The following COL16A1 variants were observed in gnomAD, a reference collection of about 807,000 sequenced individuals.
The protein encoded by COL16A1 is collagen alpha-1(XVI) chain.
In COL16A1, 189 loss-of-function variants were observed where a neutral mutation model predicts 266.3. That is an observed-to-expected ratio of 0.71 (90% confidence interval 0.63 to 0.80). The LOEUF is 0.80. Among genes scored for constraint, COL16A1 ranks in the 30% least tolerant of loss-of-function variants. The probability of loss-of-function intolerance (pLI) is 0.00; values close to 1 mark genes in which losing one functional copy is unlikely to be tolerated. For missense variants in COL16A1, 1,928 were observed against 2,122.4 expected, an observed-to-expected ratio of 0.91 and a Z score of 1.80; for synonymous variants, 740 against 782.3, an observed-to-expected ratio of 0.95 and a Z score of 0.90.
At chr1:31,691,272 G>C in intron 19 of COL16A1, 46 bp from the exon 20 acceptor site, 1 of 1,608,546 alleles carries the variant, frequency 6.2e-7, no homozygotes, top group Non-Finnish European at 8.5e-7. Flanking sequence ...GGGACCACTC[G>C]CTACAGCGAG....
chr1:31,684,438 CCCTGCAGT>C, intron 31 of COL16A1, 77 bp downstream of exon 31: 1 of 1,549,010 alleles, frequency 6.5e-7, no homozygotes, highest in Non-Finnish European at 8.7e-7. Context: ...CCCCAGCTGG[CCCTGCAGT>C]CCTTCCCTCA....
intron 60 of COL16A1, 39 bp downstream of exon 60, chr1:31,661,375 G>C: frequency 6.2e-7 from 1 of 1,613,808 alleles, no homozygotes. Flanking sequence ...CTTCAGGAGA[G>C]CAGAGATAAC....
chr1:31,670,618 C>A lies in COL16A1; in HGVS notation c.3179G>T (p.Gly1060Val). 7.1e-7 allele frequency: 1 copy of A among 1,414,688 alleles called. No individual in the cohort carries two copies. The highest frequency in any genetic ancestry group is 9.2e-7 in the Non-Finnish European group (1 of 1,086,962). 87.6% of individuals were successfully genotyped at this position (1,414,688 alleles called of 1,614,324 possible). ...GGTTCTTACAGGCAATCCGGGGGAG[C>A]CAACAGCACCAGGAAAACCTGGGGG... ...IGPPGFPGAV[G>V]SPGLPGLQGE... The change falls in exon 49 of 71, where the codon GGC becomes GTC. Residue 1060 changes from glycine to valine, a missense_variant. By Grantham distance (109) the Gly-to-Val change is moderately radical. Around this residue, in one of 2 missense-constraint regions of COL16A1, gnomAD observed 1,552 missense variants for 1,637.2 expected, o/e 0.95. Coordinates refer to ENST00000373672, the MANE Select transcript of COL16A1 (RefSeq NM_001856.4). The surrounding 1 kb of genome is among the most constrained non-coding windows in gnomAD (Gnocchi z 4.5).
In COL16A1 at chr1:31,692,584, G is replaced by A. The variant is rs1441717575; in HGVS notation, c.1158+14C>T. The A allele has an allele frequency of 6.2e-7, 1 of 1,614,106 alleles. No homozygotes were observed. Among genetic ancestry groups the A allele is most frequent in the East Asian group, 2.2e-5 (1 of 44,878 alleles). On this transcript the variant is annotated intron_variant, in intron 15 of 70. Transcript: ENST00000373672. ...GACCCACCATCCCTGCCCTATCCCT[G>A]GTCCCACACTCACCAGAGCTCCTGA... is the stretch of plus-strand genomic sequence containing the variant.
chr1:31,672,766 G>A lies in COL16A1; in HGVS notation c.2934C>T (p.Asp978=). The change falls in exon 45 of 71, where the codon GAC becomes GAT. Residue 978 remains aspartate (D), a synonymous_variant. Coordinates refer to ENST00000373672, the MANE Select transcript of COL16A1 (RefSeq NM_001856.4). The part of the protein sequence containing the change: ...GYLVEKGEKG[D]QGIPGVPGLD... ...GGCCTGGCACACCAGGGATGCCCTG[G>A]TCTCCCTTCTCTCCCTTCTCCACGA... The A allele has an allele frequency of 1.9e-6, 3 of 1,614,176 alleles. No homozygotes were observed. The highest frequency in any genetic ancestry group is 2.5e-6 in the Non-Finnish European group (3 of 1,180,000).
rs1569572668 is a variant in COL16A1, at chr1:31,700,068, T to C, written c.121A>G (p.Ser41Gly). 6.2e-7 allele frequency: 1 copy of C among 1,614,182 alleles called. No homozygotes were observed. Among genetic ancestry groups the C allele is most frequent in the East Asian group, 2.2e-5 (1 of 44,878 alleles). ...GTCACGTTGGCTGGCAGGCTACTAC[T>C]GTGTTCCAATTTGAGTCCTTCCTGC... ...SQQEGLKLEH[S>G]SSLPANVTGF... The change falls in exon 3 of 71, where the codon AGT becomes GGT. Residue 41 changes from serine (S) to glycine (G), a missense_variant. Around this residue, in one of 2 missense-constraint regions of COL16A1, gnomAD observed 1,552 missense variants for 1,637.2 expected, o/e 0.95. Coordinates refer to ENST00000373672, the MANE Select transcript of COL16A1 (RefSeq NM_001856.4).
At chr1:31,694,272 A>C (rs940536095) in intron 11 of COL16A1, 102 bp from the exon 12 acceptor site, 1 of 909,932 alleles carries the variant, frequency 1.1e-6, no homozygotes, top group African/African-American at 1.7e-5. Context: ...GCATGGTAGC[A>C]GGACCAGCAG....
At chr1:31,677,535 G>A (rs1643290287) in intron 42 of COL16A1, among the ~76,000 whole-genome samples, 1 of 152,266 alleles carries the variant, frequency 6.6e-6, no homozygotes, top group Non-Finnish European at 1.5e-5. Flanking sequence ...TACTGCGGAA[G>A]CGAAGTGCAG....
In COL16A1 at chr1:31,702,777, C is replaced by T. The variant is rs564028854; in HGVS notation, c.-34-550G>A. On this transcript the variant is annotated intron_variant, in intron 1 of 70. Coordinates refer to ENST00000373672, the MANE Select transcript of COL16A1 (RefSeq NM_001856.4). ...GGCTGAGATTGTGGGCCACAGCCTT[C>T]CATAGGGCTGTGTGGGGGCCAAGGA... Among the ~76,000 whole-genome samples the T allele has an allele frequency of 2.0e-5, 3 of 152,324 alleles. No homozygotes were observed. The South Asian group carries it at 6.2e-4, about 32-fold the overall frequency.
Position 31,672,495 on chromosome 1 carries a change from T to A in COL16A1, c.3026A>T (p.Asn1009Ile). Residue 1009 changes from asparagine (N) to isoleucine (I), a missense_variant, in exon 47 of 71, where the codon AAC (asparagine) becomes ATC (isoleucine). Physicochemically the swap from Asn to Ile is moderately radical, Grantham distance 149. Around this residue, in one of 2 missense-constraint regions of COL16A1, gnomAD observed 1,552 missense variants for 1,637.2 expected, o/e 0.95. Coordinates refer to ENST00000373672, the MANE Select transcript of COL16A1 (RefSeq NM_001856.4). ...RPRAEEARGDNSEGDPGCVGS... is the reference protein window; with the variant it reads ...RPRAEEARGDISEGDPGCVGS... ...AACACAGCCAGGATCTCCCTCACTG[T>A]TGTCACCCTGGAGAAGGATGGAGAC... 6.2e-7 allele frequency: 1 copy of A among 1,614,152 alleles called. No homozygotes were observed. The highest frequency in any genetic ancestry group is 1.1e-5 in the South Asian group (1 of 91,084).
In COL16A1 at chr1:31,661,419, G is replaced by T; in HGVS notation, c.3766C>A (p.Pro1256Thr). 1 of 1,614,046 alleles carries T rather than the reference G, an allele frequency of 6.2e-7. No individual in the cohort carries two copies. The highest frequency in any genetic ancestry group is 8.5e-7 in the Non-Finnish European group (1 of 1,180,030). Residue 1256 changes from proline (P) to threonine (T), a missense_variant, in exon 60 of 71, where the codon CCT (proline) becomes ACT (threonine). By Grantham distance (38) the Pro-to-Thr change is conservative. Transcript: ENST00000373672. ...CAGAGGTCACCAGCCCTTACCTTAGGTCCTGGGAGGCCAGGATGTCCTGTT... is the reference window on the plus strand; with the variant it reads ...CAGAGGTCACCAGCCCTTACCTTAGTTCCTGGGAGGCCAGGATGTCCTGTT... ...GKTGHPGLPGPKGDCGKPGPP... is the reference protein window; with the variant it reads ...GKTGHPGLPGTKGDCGKPGPP...
rs776954937 is a variant in COL16A1 at position 31,693,229 on chromosome 1, T to C, written c.1009-75A>G. 22 of 946,342 alleles carry C rather than the reference T, an allele frequency of 2.3e-5. 1 individual carries two copies. Among genetic ancestry groups the C allele is most frequent in the South Asian group, 1.3e-4 (10 of 74,356 alleles). 58.6% of individuals were successfully genotyped at this position (946,342 alleles called of 1,614,324 possible). A position where few individuals can be genotyped will look rare whatever the true frequency, so the allele number is the denominator to read the frequency against. On this transcript the variant is annotated intron_variant, in intron 12 of 70. Transcript: ENST00000373672. ...GCCTTGAGAAAGCTCTCCCCACTTC[T>C]GGCCCCCTCCACCCATCCCCCCACA...
At position 31,685,603 on chromosome 1, in the gene COL16A1, C is replaced by G; in HGVS notation, c.2016+36G>C. ...CCCTCTCCTTAGCCCCGCCTGCATC[C>G]CCCGTCCAGAGGCCCCTGCCTATAT... is the stretch of plus-strand genomic sequence containing the variant. On this transcript the variant is annotated intron_variant, in intron 29 of 70. Coordinates refer to ENST00000373672, the MANE Select transcript of COL16A1 (RefSeq NM_001856.4). This position sits in a 1 kb window ranked among gnomAD's most constrained non-coding sequence, Gnocchi z 4.0. 6.2e-7 allele frequency: 1 copy of G among 1,603,532 alleles called. No individual in the cohort carries two copies. The highest frequency in any genetic ancestry group is 8.5e-7 in the Non-Finnish European group (1 of 1,172,898).
At chr1:31,699,070 G>A (rs1452512113) in intron 4 of COL16A1, among the ~76,000 whole-genome samples, 1 of 152,142 alleles carries the variant, frequency 6.6e-6, no homozygotes, top group African/African-American at 2.4e-5. Context: ...ACTCCAGCCT[G>A]GGCAACAGAG....
Position 31,652,950 on chromosome 1 carries a change from CTG to C in COL16A1, c.4613-99_4613-98del. On this transcript the variant is annotated intron_variant, in intron 70 of 70. Coordinates refer to ENST00000373672, the MANE Select transcript of COL16A1 (RefSeq NM_001856.4). This position sits in a 1 kb window ranked among gnomAD's most constrained non-coding sequence, Gnocchi z 4.8. Reference sequence around the variant, plus strand: ...TCAAATAATACCTTACATTTGATGACTGTTTCTCAAGTTACCACATGTTTTCA... The same window carrying C: ...TCAAATAATACCTTACATTTGATGACTTTCTCAAGTTACCACATGTTTTCA... 8.1e-7 allele frequency: 1 copy of C among 1,227,236 alleles called. No homozygotes were observed. The highest frequency in any genetic ancestry group is 1.1e-6 in the Non-Finnish European group (1 of 933,992). The allele number at this position is 1,227,236 out of a possible 1,614,324, so 76.0% of individuals were successfully genotyped here.
Position 31,683,418 on chromosome 1 carries a change from G to A in COL16A1, c.2380-49C>T, listed in dbSNP as rs199661845. The stretch of plus-strand genomic sequence containing the variant: ...AGGGCACAGCAGCCACAGCCAACCT[G>A]CCCCACTGGCCCTGCCGCACCGGCA... On this transcript the variant is annotated intron_variant, in intron 34 of 70. Coordinates refer to ENST00000373672, the MANE Select transcript of COL16A1 (RefSeq NM_001856.4). 138 of 1,612,294 alleles carry A rather than the reference G, an allele frequency of 8.6e-5. 2 individuals carry two copies. The East Asian group carries it at 2.9e-3, about 34-fold the overall frequency.
At chr1:31,692,427 C>T (rs772717405) in intron 16 of COL16A1, 47 bp downstream of exon 16, 121 of 1,585,844 alleles carry the variant, frequency 7.6e-5, no homozygotes, top group Non-Finnish European at 9.2e-5. Context: ...GGCTGTAGAG[C>T]CTGCAGACCT....
chr1:31,694,072 G>A, intron 12 of COL16A1, 72 bp downstream of exon 12: 1 of 1,435,112 alleles, frequency 7.0e-7, no homozygotes, highest in South Asian at 1.2e-5. Flanking sequence ...CACAGCCACA[G>A]GGTCACATGC....
In COL16A1 at chr1:31,698,347, T is replaced by C; in HGVS notation, c.390+136A>G. 6.5e-7 allele frequency: 1 copy of C among 1,529,206 alleles called. No individual in the cohort carries two copies. The highest frequency in any genetic ancestry group is 1.9e-5 in the Admixed American group (1 of 52,718). The allele number at this position is 1,529,206 out of a possible 1,614,324, so 94.7% of individuals were successfully genotyped here. A position where few individuals can be genotyped will look rare whatever the true frequency, so the allele number is the denominator to read the frequency against. ...CCTGAAAGAATGAGGTAGGTACTGG[T>C]GGGCTGGGGACAGGCTTGAGGGTAG... On this transcript the variant is annotated intron_variant, in intron 5 of 70. Coordinates refer to ENST00000373672, the MANE Select transcript of COL16A1 (RefSeq NM_001856.4). The surrounding 1 kb of genome is among the most constrained non-coding windows in gnomAD (Gnocchi z 4.1).
Sources: allele counts gnomAD v4.1 joint callset (sites outside exome capture counted in the v4.1 genomes callset), GRCh38; gene constraint gnomAD v4.1.1; regional missense constraint gnomAD v4.1.1; non-coding constraint Gnocchi (gnomAD v3.1); transcripts MANE v1.5; gene names NCBI Gene and HGNC (gene_info 2026-07-23, HGNC 2026-07-21).